Variants in LRRC4C observed in about 807,000 individuals in gnomAD.
LRRC4C encodes leucine rich repeat containing 4C.
Under a neutral mutation model 33.6 loss-of-function variants are expected in LRRC4C, and 5 were observed. The ratio of observed to expected loss-of-function variants is 0.15; its 90% CI spans 0.08 to 0.31. The LOEUF is 0.31. LRRC4C is among the 10% of genes least tolerant of loss of function. The pLI is 1.00. For synonymous variants in LRRC4C, 329 were observed against 302.0 expected (o/e 1.09, Z -0.93); for missense variants, 560 against 796.7 (o/e 0.70, Z 3.58).
At chr11:40,869,310 G>T (rs1954522849) in intron 2 of LRRC4C, among the ~76,000 whole-genome samples, 1 of 152,108 alleles carries the variant, frequency 6.6e-6, no homozygotes, top group South Asian at 2.1e-4. Flanking sequence ...AAGACCTATT[G>T]TTTACAGCAG....
intron 4 of LRRC4C, among the ~76,000 whole-genome samples, chr11:40,277,478 C>G (rs1181366984): frequency 6.6e-6 from 1 of 151,916 alleles, no homozygotes; most frequent in Non-Finnish European, 1.5e-5. Context: ...GAGGAAGGAA[C>G]TATAAAAAGC....
intron 3 of LRRC4C, among the ~76,000 whole-genome samples, chr11:40,366,732 A>G (rs1010580042): frequency 1.3e-5 from 2 of 152,024 alleles, no homozygotes; most frequent in Non-Finnish European, 1.5e-5. Flanking sequence ...GGAGAGGGTA[A>G]AGGAAGACAG....
At chr11:41,349,881 A>G (rs1027491079) in intron 1 of LRRC4C, among the ~76,000 whole-genome samples, 1 of 152,216 alleles carries the variant, frequency 6.6e-6, no homozygotes, top group Non-Finnish European at 1.5e-5. Context: ...ATATGTTAAC[A>G]TATGATTTAA....
chr11:40,671,690 A>ATGTGTG (rs10644064), intron 2 of LRRC4C, among the ~76,000 whole-genome samples: 4 of 149,126 alleles, frequency 2.7e-5, no homozygotes, highest in Non-Finnish European at 4.4e-5. Context: ...GTATATATAT[A>ATGTGTG]TGTGTGTATA....
chr11:40,475,842 C>T (rs1953188667), intron 3 of LRRC4C, among the ~76,000 whole-genome samples: 1 of 152,130 alleles, frequency 6.6e-6, no homozygotes, highest in South Asian at 2.1e-4. Context: ...ATCACAGTTC[C>T]TGGGTTGTCT....
At chr11:41,069,315 G>A (rs1319592572) in intron 1 of LRRC4C, among the ~76,000 whole-genome samples, 1 of 152,046 alleles carries the variant, frequency 6.6e-6, no homozygotes, top group South Asian at 2.1e-4. Flanking sequence ...CCATTATCAT[G>A]TGGAATGGGC....
chr11:40,253,611 A>G lies in LRRC4C; in HGVS notation c.-175-12013T>C, dbSNP rs558637338. Reference sequence around the variant, plus strand: ...TTCTCTTTAAAGGATAAGGGTGAACATGATTTGCTCTTAGTAAAATAAGTG... The same window carrying G: ...TTCTCTTTAAAGGATAAGGGTGAACGTGATTTGCTCTTAGTAAAATAAGTG... On this transcript the variant is annotated intron_variant, in intron 4 of 6. Coordinates refer to ENST00000528697, the MANE Select transcript of LRRC4C (RefSeq NM_001258419.2). 3.4e-4 allele frequency among the ~76,000 whole-genome samples: 52 copies of G among 152,330 alleles called. 1 individual carries two copies. The South Asian group carries it at 0.011, about 32-fold the overall frequency.
intron 3 of LRRC4C, among the ~76,000 whole-genome samples, chr11:40,640,108 C>T (rs1308942125): frequency 2.6e-5 from 4 of 152,094 alleles, no homozygotes; most frequent in Non-Finnish European, 5.9e-5. Flanking sequence ...CTGGGTAAAT[C>T]GTGTATCACA....
intron 2 of LRRC4C, among the ~76,000 whole-genome samples, chr11:40,874,614 G>A (rs2135964700): frequency 6.6e-6 from 1 of 152,248 alleles, no homozygotes; most frequent in Middle Eastern, 3.4e-3. Context: ...AACTGTGGAG[G>A]AAATACTAAA....
At chr11:41,009,326 G>A (rs886673886) in intron 1 of LRRC4C, among the ~76,000 whole-genome samples, 6 of 151,808 alleles carry the variant, frequency 4.0e-5, no homozygotes, top group Non-Finnish European at 5.9e-5. Context: ...TAAAATTAGG[G>A]AAGAAGTTAA....
At chr11:41,226,542 G>A (rs143351594) in intron 1 of LRRC4C, among the ~76,000 whole-genome samples, 72 of 152,188 alleles carry the variant, frequency 4.7e-4, no homozygotes, top group Non-Finnish European at 7.2e-4. Context: ...AGTACTCAGA[G>A]TTCAACTTCT....
intron 1 of LRRC4C, among the ~76,000 whole-genome samples, chr11:41,181,015 GA>G (rs930642455): frequency 5.3e-5 from 8 of 149,598 alleles, no homozygotes; most frequent in Non-Finnish European, 1.0e-4. Context: ...TTTGGGAGAA[GA>G]AAAAAAAAGA....
At chr11:41,325,573 TTTTTTGTG>T (rs1429789601) in intron 1 of LRRC4C, among the ~76,000 whole-genome samples, 30 of 98,008 alleles carry the variant, frequency 3.1e-4, no homozygotes, top group African/African-American at 8.9e-4. Flanking sequence ...ATAGTTTTTT[TTTTTTGTG>T]TGTGTGTGTG....
At chr11:40,311,974 C>T (rs1166447345) in intron 4 of LRRC4C, among the ~76,000 whole-genome samples, 1 of 150,990 alleles carries the variant, frequency 6.6e-6, no homozygotes, top group East Asian at 1.9e-4. Context: ...AGTACTTTTC[C>T]CCTTTCATGT....
At chr11:41,017,993 C>A (rs1257099519) in intron 1 of LRRC4C, among the ~76,000 whole-genome samples, 2 of 151,864 alleles carry the variant, frequency 1.3e-5, no homozygotes, top group Admixed American at 6.6e-5. Flanking sequence ...TAGAAATGGT[C>A]TTCAAGATGA....
intron 6 of LRRC4C, among the ~76,000 whole-genome samples, chr11:40,137,874 T>C (rs1470191224): frequency 6.6e-6 from 1 of 152,208 alleles, no homozygotes; most frequent in Non-Finnish European, 1.5e-5. Flanking sequence ...GGATCAATAA[T>C]TTTTAAACTT....
At chr11:40,880,062 A>G (rs1488096757) in intron 2 of LRRC4C, among the ~76,000 whole-genome samples, 2 of 152,078 alleles carry the variant, frequency 1.3e-5, no homozygotes, top group South Asian at 2.1e-4. Flanking sequence ...GGACGCTCAC[A>G]TTTGAAACCA....
At chr11:40,659,165 A>G (rs1943288713) in intron 2 of LRRC4C, among the ~76,000 whole-genome samples, 1 of 152,154 alleles carries the variant, frequency 6.6e-6, no homozygotes, top group South Asian at 2.1e-4. Context: ...GTGCAGAGCA[A>G]AGTTGTGGCT....
intron 3 of LRRC4C, among the ~76,000 whole-genome samples, chr11:40,584,529 C>T (rs1958622752): frequency 6.6e-6 from 1 of 151,844 alleles, no homozygotes; most frequent in Non-Finnish European, 1.5e-5. Flanking sequence ...GCTTTTGTTT[C>T]AAAAACCTTA....
Sources: allele counts gnomAD v4.1 joint callset (sites outside exome capture counted in the v4.1 genomes callset), GRCh38; gene constraint gnomAD v4.1.1; transcripts MANE v1.5; gene names NCBI Gene and HGNC (gene_info 2026-07-23, HGNC 2026-07-21).